Variants in MAPK8 observed in about 807,000 individuals in gnomAD.
MAPK8 encodes mitogen-activated protein kinase 8, also known as JUN N-terminal kinase.
MAPK8 carries 13 observed loss-of-function variants against 52.9 expected under a neutral mutation model. The ratio of observed to expected loss-of-function variants is 0.25; its 90% CI spans 0.16 to 0.39. The LOEUF (loss-of-function observed/expected upper bound fraction) is 0.39. Among genes scored for constraint, MAPK8 ranks in the 10% least tolerant of loss-of-function variants. The probability of loss-of-function intolerance (pLI) is 1.00; values close to 1 mark genes in which losing one functional copy is unlikely to be tolerated. For missense variants in MAPK8, 300 were observed against 519.2 expected (o/e 0.58, Z 4.10); for synonymous variants, 191 against 169.8 (o/e 1.12, Z -0.97).
intron 5 of MAPK8, among the ~76,000 whole-genome samples, chr10:48,417,227 T>C (rs1564608923): frequency 6.6e-6 from 1 of 152,242 alleles, no homozygotes; most frequent in Non-Finnish European, 1.5e-5. Flanking sequence ...TAACTAACTC[T>C]TTCAGAAATT....
chr10:48,384,957 G>C (rs2041222329), intron 1 of MAPK8, among the ~76,000 whole-genome samples: 1 of 151,896 alleles, frequency 6.6e-6, no homozygotes, highest in South Asian at 2.1e-4. Context: ...GTGCTCCAGA[G>C]AACAGAAGAG....
At chr10:48,319,678 A>G (rs549657804) in intron 1 of MAPK8, among the ~76,000 whole-genome samples, 1 of 151,786 alleles carries the variant, frequency 6.6e-6, no homozygotes, top group East Asian at 1.9e-4. Context: ...TTTTAGTAGA[A>G]ACAGGGTTTC....
At chr10:48,328,551 A>T (rs1588956172) in intron 1 of MAPK8, among the ~76,000 whole-genome samples, 1 of 151,892 alleles carries the variant, frequency 6.6e-6, no homozygotes, top group East Asian at 1.9e-4. Context: ...AACCTGGGAC[A>T]CTCCTTTTCT....
intron 2 of MAPK8, among the ~76,000 whole-genome samples, chr10:48,402,405 C>T (rs2042206639): frequency 1.3e-5 from 2 of 152,126 alleles, no homozygotes; most frequent in Non-Finnish European, 2.9e-5. Context: ...AAATCTTATT[C>T]TATACTGGGG....
At chr10:48,365,173 A>G (rs902609308) in intron 1 of MAPK8, among the ~76,000 whole-genome samples, 26 of 152,184 alleles carry the variant, frequency 1.7e-4, no homozygotes, top group Admixed American at 3.3e-4. Flanking sequence ...CTTGCAGCTA[A>G]GCCGTGTAAA....
Position 48,428,745 on chromosome 10 carries a change from TA to T in MAPK8, c.1060+1603del, listed in dbSNP as rs2043891799. Among the ~76,000 whole-genome samples, 3 of 152,336 alleles carry T rather than the reference TA, an allele frequency of 2.0e-5. No individual in the cohort carries two copies. In the South Asian group the frequency reaches 6.2e-4, roughly 32 times the overall value. ...AGTATGTATGAAAACATTAACCTAA[TA>T]TTTTTACATCCTACTAATTTACAGT... is the stretch of plus-strand genomic sequence containing the variant. On this transcript the variant is annotated intron_variant, in intron 10 of 11. Transcript: ENST00000374189.
intron 1 of MAPK8, among the ~76,000 whole-genome samples, chr10:48,313,392 C>T (rs985291632): frequency 2.1e-5 from 3 of 143,052 alleles, no homozygotes; most frequent in Non-Finnish European, 4.5e-5. Context: ...GAGATCGTGC[C>T]ACTACACTCC....
At chr10:48,416,830 A>G (rs1023746587) in intron 5 of MAPK8, among the ~76,000 whole-genome samples, 3 of 152,014 alleles carry the variant, frequency 2.0e-5, no homozygotes, top group Non-Finnish European at 4.4e-5. Context: ...ACCTGGCTCT[A>G]CCCTGTGGGA....
In MAPK8 at chr10:48,427,112, T is replaced by C. The variant is rs1240735293; in HGVS notation, c.1029T>C (p.Asp343=). The C allele has an allele frequency of 1.2e-6, 2 of 1,613,272 alleles. No individual in the cohort carries two copies. Among genetic ancestry groups the C allele is most frequent in the Non-Finnish European group, 1.7e-6 (2 of 1,179,514 alleles). Residue 343 remains aspartate, a synonymous_variant, in exon 10 of 12, where the codon GAT becomes GAC. Transcript: ENST00000374189. ...PPPKIPDKQL[D]EREHTIEEWK... is the part of the protein sequence containing the mutation. The stretch of plus-strand genomic sequence containing the variant: ...CAAAGATCCCTGACAAGCAGTTAGA[T>C]GAAAGGGAACACACAATAGAAGAGT...
At chr10:48,310,304 A>G (rs1479706373) in intron 1 of MAPK8, among the ~76,000 whole-genome samples, 1 of 152,202 alleles carries the variant, frequency 6.6e-6, no homozygotes, top group African/African-American at 2.4e-5. Flanking sequence ...TACTAGGACA[A>G]AAAGAGCCCT....
chr10:48,435,059 T>TTGTTG lies in MAPK8; in HGVS notation c.*30_*31insTGTTG. 1 of 448,006 alleles carries TTGTTG rather than the reference T, an allele frequency of 2.2e-6. No individual in the cohort carries two copies. The highest frequency in any genetic ancestry group is 4.3e-6 in the Non-Finnish European group (1 of 230,990). 27.8% of individuals were successfully genotyped at this position (448,006 alleles called of 1,614,324 possible). A position where few individuals can be genotyped will look rare whatever the true frequency, so the allele number is the denominator to read the frequency against. On this transcript the variant is annotated 3_prime_UTR_variant, in exon 12 of 12. Coordinates refer to ENST00000374189, the MANE Select transcript of MAPK8 (RefSeq NM_001323329.2). ...TTGGGCCATCGGGGGGTGGGAGGGATGGGGAGTCGGTTAGTCATTGATAGA... is the reference window on the plus strand; with the variant it reads ...TTGGGCCATCGGGGGGTGGGAGGGATTGTTGGGGGAGTCGGTTAGTCATTGATAGA...
chr10:48,319,392 C>G (rs1056568987), intron 1 of MAPK8, among the ~76,000 whole-genome samples: 2 of 152,144 alleles, frequency 1.3e-5, no homozygotes, highest in Non-Finnish European at 2.9e-5. Context: ...TACTCACTAG[C>G]AGTCACTCCC....
Position 48,345,810 on chromosome 10 carries a change from T to C in MAPK8, c.-50+38989T>C, listed in dbSNP as rs552619832. Among the ~76,000 whole-genome samples the C allele has an allele frequency of 9.8e-5, 15 of 152,320 alleles. No homozygotes were observed. In the South Asian group the frequency reaches 2.5e-3, roughly 25 times the overall value. Reference sequence around the variant, plus strand: ...CAGAAAAGCTGGCAATCCAGAAATGTTGGGCACAGACAAAAGCCCCAGGAA... The same window carrying C: ...CAGAAAAGCTGGCAATCCAGAAATGCTGGGCACAGACAAAAGCCCCAGGAA... On this transcript the variant is annotated intron_variant, in intron 1 of 11. Coordinates refer to ENST00000374189, the MANE Select transcript of MAPK8 (RefSeq NM_001323329.2).
At chr10:48,385,272 GT>G (rs199616438) in intron 1 of MAPK8, among the ~76,000 whole-genome samples, 3 of 151,870 alleles carry the variant, frequency 2.0e-5, no homozygotes, top group Non-Finnish European at 4.4e-5. Flanking sequence ...TAGAGCAAAA[GT>G]TTTTTTTGTT....
rs771655862 is a variant in MAPK8, at chr10:48,401,683, A to G, written c.23A>G (p.Asn8Ser). The G allele has an allele frequency of 6.2e-7, 1 of 1,609,816 alleles. No homozygotes were observed. The highest frequency in any genetic ancestry group is 8.5e-7 in the Non-Finnish European group (1 of 1,178,434). ...ATCATGAGCAGAAGCAAGCGTGACA[A>G]CAATTTTTATAGTGTAGAGATTGGA... MSRSKRD[N>S]NFYSVEIGDS... is the part of the protein sequence containing the mutation. The change falls in exon 2 of 12, where the codon AAC (asparagine) becomes AGC (serine). Residue 8 changes from asparagine (N) to serine (S), a missense_variant. Transcript: ENST00000374189.
chr10:48,361,460 G>T (rs891109174), intron 1 of MAPK8, among the ~76,000 whole-genome samples: 2 of 151,918 alleles, frequency 1.3e-5, no homozygotes, highest in African/African-American at 4.8e-5. Context: ...CCTTTTCTAG[G>T]GTGAAAACAG....
chr10:48,335,362 A>G (rs913382064), intron 1 of MAPK8, among the ~76,000 whole-genome samples: 58 of 152,316 alleles, frequency 3.8e-4, no homozygotes, highest in Non-Finnish European at 5.9e-4. Flanking sequence ...CTGTTAACAA[A>G]GTTCTTTGTT....
At chr10:48,370,871 G>C (rs1415506784) in intron 1 of MAPK8, among the ~76,000 whole-genome samples, 1 of 152,066 alleles carries the variant, frequency 6.6e-6, no homozygotes, top group Non-Finnish European at 1.5e-5. Flanking sequence ...AAAATTGGGA[G>C]ATTATAATTG....
chr10:48,375,493 C>T (rs1213831625), intron 1 of MAPK8, among the ~76,000 whole-genome samples: 1 of 19,526 alleles, frequency 5.1e-5, no homozygotes, highest in Non-Finnish European at 8.8e-5. Context: ...AAAAAAACCC[C>T]ATTGTCTCAG....
Sources: gnomAD v4.1 joint callset for allele counts (sites outside exome capture counted in the v4.1 genomes callset) on GRCh38, gnomAD v4.1.1 for gene constraint, MANE v1.5 for transcripts, NCBI Gene and HGNC (gene_info 2026-07-23, HGNC 2026-07-21) for gene names.